The following RSPO2 variants were observed in gnomAD, a reference collection of about 807,000 sequenced individuals.
The protein encoded by RSPO2 is R-spondin 2, also known as R-spondin-2.
In RSPO2, 14 loss-of-function variants were observed where a neutral mutation model predicts 30.9. That is an observed-to-expected ratio of 0.45 (90% CI 0.30 to 0.71). The LOEUF (loss-of-function observed/expected upper bound fraction) is 0.71, where lower values mean the gene tolerates loss of function less well. Ranked by LOEUF, RSPO2 falls within the 30% of genes least tolerant of loss-of-function variation. RSPO2 has a pLI of 0.08. For synonymous variants in RSPO2, 107 were observed against 96.4 expected (o/e 1.11, Z -0.64); for missense variants, 264 against 301.9 (o/e 0.87, Z 0.93).
chr8:108,074,808 G>A (rs943209799), intron 2 of RSPO2, among the ~76,000 whole-genome samples: 11 of 152,262 alleles, frequency 7.2e-5, no homozygotes, highest in Middle Eastern at 3.4e-3. Context: ...AAAACCACAC[G>A]TTTCTATAAG....
At position 108,082,713 on chromosome 8, in the gene RSPO2, G is replaced by A. The variant is rs928805037; in HGVS notation, c.-75C>T. 7.6e-7 allele frequency: 1 copy of A among 1,309,252 alleles called. No homozygotes were observed. The highest frequency in any genetic ancestry group is 1.4e-5 in the African/African-American group (1 of 68,998). 81.1% of individuals were successfully genotyped at this position (1,309,252 alleles called of 1,614,324 possible). A position where few individuals can be genotyped will look rare whatever the true frequency, so the allele number is the denominator to read the frequency against. On this transcript the variant is annotated 5_prime_UTR_variant, in exon 2 of 6. Coordinates refer to ENST00000276659, the MANE Select transcript of RSPO2 (RefSeq NM_178565.5). ...GGGTTCGCCCAAAGAGCCGGCGCCG[G>A]CCGCGCTGCTGGGGAGGACTCAGAG...
At chr8:107,946,980 G>A (rs1586568192) in intron 5 of RSPO2, among the ~76,000 whole-genome samples, 1 of 152,350 alleles carries the variant, frequency 6.6e-6, no homozygotes, top group East Asian at 1.9e-4. Flanking sequence ...AGGAAGAGCT[G>A]TAAGCAGAAC....
chr8:108,019,353 C>G (rs940821211), intron 2 of RSPO2, among the ~76,000 whole-genome samples: 1 of 151,784 alleles, frequency 6.6e-6, no homozygotes, highest in Non-Finnish European at 1.5e-5. Context: ...GACTCCAACT[C>G]AAAAAAATAA....
chr8:108,080,562 T>G (rs1474997161), intron 2 of RSPO2, among the ~76,000 whole-genome samples: 2 of 152,148 alleles, frequency 1.3e-5, no homozygotes, highest in African/African-American at 4.8e-5. Flanking sequence ...TAAGAAGGCA[T>G]AGGCAGATTC....
At chr8:107,928,990 A>G (rs1812468925) in intron 5 of RSPO2, among the ~76,000 whole-genome samples, 1 of 152,138 alleles carries the variant, frequency 6.6e-6, no homozygotes, top group African/African-American at 2.4e-5. Context: ...AACCATATAA[A>G]TCAATCTAAC....
intron 5 of RSPO2, among the ~76,000 whole-genome samples, chr8:107,943,200 TGCACACATGCGTGCGTGCGCGCGC>T (rs1812953679): frequency 6.6e-6 from 1 of 152,180 alleles, no homozygotes; most frequent in South Asian, 2.1e-4. Flanking sequence ...CCCCACACCA[TGCACACATGCGTGCGTGCGCGCGC>T]ACACACAGAC....
chr8:107,988,778 C>A (rs1814739710), intron 3 of RSPO2, among the ~76,000 whole-genome samples: 1 of 152,004 alleles, frequency 6.6e-6, no homozygotes, highest in Non-Finnish European at 1.5e-5. Context: ...CAGGTGTGCA[C>A]CACCATGCCT....
At chr8:107,952,352 G>A (rs550700418) in intron 5 of RSPO2, among the ~76,000 whole-genome samples, 1 of 151,316 alleles carries the variant, frequency 6.6e-6, no homozygotes, top group Non-Finnish European at 1.5e-5. Flanking sequence ...CGGAGTACCT[G>A]GAAAATAGTA....
intron 2 of RSPO2, among the ~76,000 whole-genome samples, chr8:108,043,269 GA>G (rs1275777676): frequency 6.6e-6 from 1 of 152,114 alleles, no homozygotes; most frequent in African/African-American, 2.4e-5. Flanking sequence ...TGTTTACATA[GA>G]ATGTTAATGT....
intron 5 of RSPO2, among the ~76,000 whole-genome samples, chr8:107,943,196 A>G (rs915686012): frequency 1.3e-5 from 2 of 152,164 alleles, no homozygotes; most frequent in African/African-American, 4.8e-5. Flanking sequence ...TCCTCCCCAC[A>G]CCATGCACAC....
intron 2 of RSPO2, among the ~76,000 whole-genome samples, chr8:107,993,893 T>C (rs1391817540): frequency 6.6e-6 from 1 of 152,096 alleles, no homozygotes; most frequent in African/African-American, 2.4e-5. Flanking sequence ...TCTTTTTCTG[T>C]CTCTTACATT....
At chr8:107,983,361 A>G (rs916696009) in intron 3 of RSPO2, 3 of 1,609,578 alleles carry the variant, frequency 1.9e-6, no homozygotes, top group Admixed American at 3.3e-5. Flanking sequence ...AGGGTGAAGC[A>G]AGATTGAAAG....
chr8:107,916,103 CTGAT>C (rs1353049655), intron 5 of RSPO2, among the ~76,000 whole-genome samples: 2 of 152,092 alleles, frequency 1.3e-5, no homozygotes, highest in African/African-American at 4.8e-5. Context: ...TAAAAGAGCT[CTGAT>C]TAATTGGCTT....
At chr8:108,037,791 A>G (rs1751220783) in intron 2 of RSPO2, among the ~76,000 whole-genome samples, 1 of 152,166 alleles carries the variant, frequency 6.6e-6, no homozygotes, top group Admixed American at 6.5e-5. Context: ...TGTGCTCTAT[A>G]AGTGGAATAA....
chr8:108,039,115 T>C lies in RSPO2; in HGVS notation c.94+43430A>G, dbSNP rs890429550. Reference sequence around the variant, plus strand: ...CAAACACAAGGCTAGATTGAATCATTTTTCCTGACATTTCCATTTATTCTC... The same window carrying C: ...CAAACACAAGGCTAGATTGAATCATCTTTCCTGACATTTCCATTTATTCTC... On this transcript the variant is annotated intron_variant, in intron 2 of 5. Transcript: ENST00000276659. Among the ~76,000 whole-genome samples the C allele has an allele frequency of 9.2e-4, 140 of 152,274 alleles. 1 individual carries two copies. Among genetic ancestry groups the C allele is most frequent in the African/African-American group, 3.2e-3 (133 of 41,556 alleles).
Position 107,911,596 on chromosome 8 carries a change from CA to C in RSPO2, c.617-10407del, listed in dbSNP as rs376392897. Among the ~76,000 whole-genome samples, 306 of 152,280 alleles carry C rather than the reference CA, an allele frequency of 2.0e-3. 3 individuals are homozygous for C. Among genetic ancestry groups the C allele is most frequent in the African/African-American group, 6.9e-3 (288 of 41,544 alleles). ...AATTTCACATATTATACCTGGCACA[CA>C]AACACTAAATAAACGATAGCGCTAT... On this transcript the variant is annotated intron_variant, in intron 5 of 5. Coordinates refer to ENST00000276659, the MANE Select transcript of RSPO2 (RefSeq NM_178565.5).
intron 3 of RSPO2, among the ~76,000 whole-genome samples, chr8:107,970,101 G>A (rs955585513): frequency 6.6e-6 from 1 of 152,074 alleles, no homozygotes; most frequent in African/African-American, 2.4e-5. Flanking sequence ...CCTATAATGA[G>A]CCAGATAATA....
At chr8:107,909,270 T>G (rs1811748599) in intron 5 of RSPO2, among the ~76,000 whole-genome samples, 1 of 150,122 alleles carries the variant, frequency 6.7e-6, no homozygotes, top group African/African-American at 2.4e-5. Flanking sequence ...TTTTTTTTTT[T>G]TTTTTTTTTT....
chr8:107,907,787 TCTGA>T (rs781394201), intron 5 of RSPO2, among the ~76,000 whole-genome samples: 1 of 152,172 alleles, frequency 6.6e-6, no homozygotes, highest in Non-Finnish European at 1.5e-5. Context: ...ATGGGAAGCC[TCTGA>T]CTGTTACTAT....
Sources: allele counts gnomAD v4.1 joint callset (sites outside exome capture counted in the v4.1 genomes callset), GRCh38; gene constraint gnomAD v4.1.1; transcripts MANE v1.5; gene names NCBI Gene and HGNC (gene_info 2026-07-23, HGNC 2026-07-21).